Variants in OPA3 observed in about 807,000 individuals in gnomAD.
The protein encoded by OPA3 is outer mitochondrial membrane lipid metabolism regulator OPA3.
A neutral mutation model predicts 4.0 loss-of-function variants in OPA3; 6 were observed. That is an observed-to-expected ratio of 1.51 (90% CI 0.83 to 2.99). The LOEUF (loss-of-function observed/expected upper bound fraction) is 2.99. Among genes scored for constraint, OPA3 ranks in the 30% most tolerant of loss-of-function variants. The pLI, the probability that OPA3 is intolerant of heterozygous loss-of-function variation, is 0.00. For synonymous variants in OPA3, 105 were observed against 117.1 expected (o/e 0.90, Z 0.67); for missense variants, 235 against 256.2 (o/e 0.92, Z 0.56).
chr19:45,544,380 C>CG (rs958684458), downstream of OPA3, among the ~76,000 whole-genome samples: 1 of 152,210 alleles, frequency 6.6e-6, no homozygotes, highest in African/African-American at 2.4e-5. Flanking sequence ...ATGATGGGGG[C>CG]GGGGCACGGT....
Position 45,546,499 on chromosome 19 carries a change from C to CTT in OPA3, c.*7013_*7014dup, listed in dbSNP as rs944035967. On this transcript the variant is annotated 3_prime_UTR_variant, in exon 2 of 2. Transcript: ENST00000263275. ...CACACGATGGATTACATAAACTCTGCTTTTTTTTTTTTTTGAGACAGGGTC... is the reference window on the plus strand; with the variant it reads ...CACACGATGGATTACATAAACTCTGCTTTTTTTTTTTTTTTTGAGACAGGGTC... 1,318 of 470,744 alleles carry CTT rather than the reference C, an allele frequency of 2.8e-3. No individual in the cohort carries two copies. The highest frequency in any genetic ancestry group is 3.4e-3 in the Middle Eastern group (3 of 894). The allele number at this position is 470,744 out of a possible 1,614,324, so 29.2% of individuals were successfully genotyped here.
At chr19:45,536,139 G>T (rs146718751) in intron 1 of OPA3, among the ~76,000 whole-genome samples, 438 of 149,512 alleles carry the variant, frequency 2.9e-3, no homozygotes, top group African/African-American at 0.01. Context: ...TTAGGAAGGA[G>T]AATTGCATGA....
At chr19:45,565,355 C>T (rs372408420) in intron 1 of OPA3, among the ~76,000 whole-genome samples, 3 of 152,052 alleles carry the variant, frequency 2.0e-5, no homozygotes, top group Non-Finnish European at 4.4e-5. Context: ...AGTGGCTGGG[C>T]GTGGTGGCTC....
intron 1 of OPA3, among the ~76,000 whole-genome samples, chr19:45,533,634 C>G (rs547648246): frequency 6.6e-6 from 1 of 152,184 alleles, no homozygotes; most frequent in Non-Finnish European, 1.5e-5. Context: ...CCAGTAAGTC[C>G]GTACTCCAGG....
At chr19:45,540,493 T>G (rs1312111813) in intron 1 of OPA3, among the ~76,000 whole-genome samples, 8 of 144,892 alleles carry the variant, frequency 5.5e-5, no homozygotes, top group Non-Finnish European at 9.0e-5. Flanking sequence ...CCTGGGAGGT[T>G]GAGGCTGCAG....
At position 45,553,030 on chromosome 19, in the gene OPA3, A is replaced by G; in HGVS notation, c.*484T>C. On this transcript the variant is annotated 3_prime_UTR_variant, in exon 2 of 2. Transcript: ENST00000263275. ...CTGATGCTCAGCTAGAGCTGACCTT[A>G]GAAGGTGAGGGGGAGAAAAGGCCAC... The G allele has an allele frequency of 2.0e-6, 2 of 1,020,396 alleles. No homozygotes were observed. Among genetic ancestry groups the G allele is most frequent in the Non-Finnish European group, 2.3e-6 (2 of 851,114 alleles). 63.2% of individuals were successfully genotyped at this position (1,020,396 alleles called of 1,614,324 possible). A position where few individuals can be genotyped will look rare whatever the true frequency, so the allele number is the denominator to read the frequency against.
Position 45,551,564 on chromosome 19 carries a change from C to T in OPA3, c.*1950G>A, listed in dbSNP as rs4404183. On this transcript the variant is annotated 3_prime_UTR_variant, in exon 2 of 2. Transcript: ENST00000263275. ...AATCACCAGGAGCTGGAAGAGGGAGCGTGTCCCTGTCAGCACCTTGGTTTC... is the reference window on the plus strand; with the variant it reads ...AATCACCAGGAGCTGGAAGAGGGAGTGTGTCCCTGTCAGCACCTTGGTTTC... 0.67 allele frequency: 179,592 copies of T among 267,318 alleles called. 61,061 individuals are homozygous for T. Among genetic ancestry groups the T allele is most frequent in the East Asian group, 0.87 (4,897 of 5,628 alleles). The allele number at this position is 267,318 out of a possible 1,614,324, so 16.6% of individuals were successfully genotyped here.
chr19:45,529,071 C>T (rs1368139123), exon 2 of OPA3: 1 of 1,599,370 alleles, frequency 6.3e-7, no homozygotes, highest in Non-Finnish European at 8.5e-7. Context: ...TCTCGGACGC[C>T]GGCGCAACTG....
chr19:45,558,748 G>A (rs1969458808), intron 1 of OPA3, among the ~76,000 whole-genome samples: 1 of 150,998 alleles, frequency 6.6e-6, no homozygotes. Flanking sequence ...TTTTTTAGAC[G>A]GAGTCTCGCT....
intron 1 of OPA3, among the ~76,000 whole-genome samples, chr19:45,540,388 C>A (rs1248682002): frequency 6.6e-6 from 1 of 150,562 alleles, no homozygotes; most frequent in Non-Finnish European, 1.5e-5. Flanking sequence ...GTAGATTATG[C>A]CTTGCTGTTT....
intron 1 of OPA3, among the ~76,000 whole-genome samples, chr19:45,567,385 C>T (rs1021589891): frequency 4.0e-5 from 6 of 148,236 alleles, no homozygotes; most frequent in Admixed American, 3.4e-4. Flanking sequence ...ACTATTGATA[C>T]ATTCAGCAAG....
At chr19:45,574,820 T>C (rs1337483648) in intron 1 of OPA3, among the ~76,000 whole-genome samples, 1 of 152,304 alleles carries the variant, frequency 6.6e-6, no homozygotes. Flanking sequence ...CTGCAGCTTC[T>C]GCTTCTTCCC....
At chr19:45,576,596 C>T (rs944188532) in intron 1 of OPA3, among the ~76,000 whole-genome samples, 5 of 150,530 alleles carry the variant, frequency 3.3e-5, no homozygotes, top group South Asian at 2.1e-4. Flanking sequence ...TCAAGGTGTC[C>T]GCAGGGCTGT....
chr19:45,581,437 G>A (rs1969854253), intron 1 of OPA3, among the ~76,000 whole-genome samples: 1 of 152,134 alleles, frequency 6.6e-6, no homozygotes, highest in South Asian at 2.1e-4. Context: ...TGTCTCCTCT[G>A]CCAGGAAGCC....
chr19:45,534,134 C>T (rs928772932), intron 1 of OPA3, among the ~76,000 whole-genome samples: 2 of 152,202 alleles, frequency 1.3e-5, no homozygotes, highest in African/African-American at 2.4e-5. Flanking sequence ...GTAATGTTAT[C>T]TACACTCCTC....
rs1248914192 is a variant in OPA3 at position 45,584,785 on chromosome 19, C to T, written c.-21G>A. On this transcript the variant is annotated 5_prime_UTR_variant, in exon 1 of 2. The change creates a new upstream start codon in the 5' untranslated region. Coordinates refer to ENST00000263275, the MANE Select transcript of OPA3 (RefSeq NM_025136.4). ...ACCATCTTGGCGGTCTCACAGGGCA[C>T]GCGCAACCTTGCTGACTGGGCGGGG... 12 of 1,612,944 alleles carry T rather than the reference C, an allele frequency of 7.4e-6. No individual in the cohort carries two copies. Among genetic ancestry groups the T allele is most frequent in the Non-Finnish European group, 1.0e-5 (12 of 1,179,964 alleles).
intron 1 of OPA3, 34 bp from the exon 2 acceptor site, chr19:45,553,945 G>A (rs750585650): frequency 1.3e-6 from 2 of 1,562,774 alleles, no homozygotes; most frequent in Admixed American, 1.7e-5. Context: ...GCTGCGCTCT[G>A]GGAGCCCCCT....
At chr19:45,537,430 A>C (rs74253367) in intron 1 of OPA3, among the ~76,000 whole-genome samples, 5,147 of 147,038 alleles carry the variant, frequency 0.035, 298 homozygotes, top group East Asian at 0.17. Context: ...AAACAAGAAA[A>C]GAACTTTCAT....
chr19:45,537,410 A>AAAAAAAAAAAAAAAAAAAG (rs1555730890), intron 1 of OPA3, among the ~76,000 whole-genome samples: 1 of 120,060 alleles, frequency 8.3e-6, no homozygotes, highest in African/African-American at 3.3e-5. Flanking sequence ...AAAAAAAAAA[A>AAAAAAAAAAAAAAAAAAAG]AAAAAAAAAA....
Sources: allele counts gnomAD v4.1 joint callset (sites outside exome capture counted in the v4.1 genomes callset), GRCh38; gene constraint gnomAD v4.1.1; transcripts MANE v1.5; gene names NCBI Gene and HGNC (gene_info 2026-07-23, HGNC 2026-07-21).